Variants in TMOD1 observed in about 807,000 individuals in gnomAD.
The protein encoded by TMOD1 is tropomodulin 1.
Under a neutral mutation model 40.6 loss-of-function variants are expected in TMOD1, and 17 were observed. That is an observed-to-expected ratio of 0.42 (90% confidence interval 0.29 to 0.63). The LOEUF (loss-of-function observed/expected upper bound fraction) is 0.63, where lower values mean the gene tolerates loss of function less well. TMOD1 is among the 20% of genes least tolerant of loss of function. TMOD1 has a pLI of 0.22. For synonymous variants in TMOD1, 181 were observed against 175.0 expected (o/e 1.03, Z -0.27); for missense variants, 391 against 447.6 (o/e 0.87, Z 1.14).
At chr9:97,508,347 C>T (rs1426164965) in intron 1 of TMOD1, among the ~76,000 whole-genome samples, 1 of 152,096 alleles carries the variant, frequency 6.6e-6, no homozygotes, top group East Asian at 1.9e-4. Flanking sequence ...CACCACCACA[C>T]CTGGCAAATT....
chr9:97,578,287 T>C (rs1825657509), intron 8 of TMOD1, among the ~76,000 whole-genome samples: 1 of 152,160 alleles, frequency 6.6e-6, no homozygotes, highest in Non-Finnish European at 1.5e-5. Flanking sequence ...TCTCCTGACC[T>C]CGTGATCCGC....
Position 97,595,860 on chromosome 9 carries a change from G to T in TMOD1, c.1016-3774G>T, listed in dbSNP as rs1000486216. On this transcript the variant is annotated intron_variant, in intron 9 of 9. Coordinates refer to ENST00000259365, the MANE Select transcript of TMOD1 (RefSeq NM_003275.4). The stretch of plus-strand genomic sequence containing the variant: ...GGCCGAGGCAGGCGGATCACCTGAG[G>T]TCAGGAGTTTGAGACCAGCCTGGCC... Among the ~76,000 whole-genome samples, 5 of 152,068 alleles carry T rather than the reference G, an allele frequency of 3.3e-5. No homozygotes were observed. In the East Asian group the frequency reaches 7.7e-4, roughly 24 times the overall value.
At chr9:97,543,916 G>A (rs1437859364) in intron 2 of TMOD1, among the ~76,000 whole-genome samples, 1 of 152,214 alleles carries the variant, frequency 6.6e-6, no homozygotes, top group Non-Finnish European at 1.5e-5. Context: ...TGCTGCTTAA[G>A]GAAAAGTGGG....
At chr9:97,564,214 G>C (rs1417436798) in intron 6 of TMOD1, 46 bp downstream of exon 6, 6 of 1,549,644 alleles carry the variant, frequency 3.9e-6, no homozygotes, top group Non-Finnish European at 5.2e-6. Context: ...CTGGGGGAGG[G>C]GGAACCATGT....
At chr9:97,548,646 A>C (rs1830402487) in intron 3 of TMOD1, among the ~76,000 whole-genome samples, 1 of 151,868 alleles carries the variant, frequency 6.6e-6, no homozygotes, top group Non-Finnish European at 1.5e-5. Context: ...CAGTCCTGCC[A>C]CTCCTCCAGC....
chr9:97,590,938 CGGACAGCAGGG>C, intron 8 of TMOD1, among the ~76,000 whole-genome samples: 1 of 152,216 alleles, frequency 6.6e-6, no homozygotes, highest in East Asian at 1.9e-4. Flanking sequence ...GGGTATAGCC[CGGACAGCAGGG>C]TTTTAAAAGT....
Position 97,559,772 on chromosome 9 carries a change from T to TAAAAAAAA in TMOD1, c.398-2944_398-2937dup, listed in dbSNP as rs58522887. On this transcript the variant is annotated intron_variant, in intron 4 of 9. Coordinates refer to ENST00000259365, the MANE Select transcript of TMOD1 (RefSeq NM_003275.4). ...AGAGCGAGACTCCGCCTCAAAAATT[T>TAAAAAAAA]AAAAAAAAAAAAAAAAAAAAAAATA... 3.0e-4 allele frequency among the ~76,000 whole-genome samples: 11 copies of TAAAAAAAA among 36,842 alleles called. No individual in the cohort carries two copies. In the East Asian group the frequency reaches 9.7e-3, roughly 33 times the overall value. 24.2% of individuals were successfully genotyped at this position (36,842 alleles called of 152,430 possible). A position where few individuals can be genotyped will look rare whatever the true frequency, so the allele number is the denominator to read the frequency against.
chr9:97,575,678 A>G (rs925639163), intron 8 of TMOD1, among the ~76,000 whole-genome samples: 8 of 152,196 alleles, frequency 5.3e-5, no homozygotes, highest in Non-Finnish European at 1.2e-4. Context: ...GGCTCCGTCA[A>G]ATGTCCAAAG....
At position 97,591,516 on chromosome 9, in the gene TMOD1, G is replaced by A. The variant is rs935022170; in HGVS notation, c.1015+81G>A. 48 of 1,502,890 alleles carry A rather than the reference G, an allele frequency of 3.2e-5. No homozygotes were observed. In the Middle Eastern group the frequency reaches 5.3e-4, roughly 17 times the overall value. The allele number at this position is 1,502,890 out of a possible 1,614,324, so 93.1% of individuals were successfully genotyped here. Reference sequence around the variant, plus strand: ...TGCTGGGGATGTCAGGGAAAATTCTGTAGATGCCTCTCCGAGTCTTCTTGA... The same window carrying A: ...TGCTGGGGATGTCAGGGAAAATTCTATAGATGCCTCTCCGAGTCTTCTTGA... On this transcript the variant is annotated intron_variant, in intron 9 of 9. Coordinates refer to ENST00000259365, the MANE Select transcript of TMOD1 (RefSeq NM_003275.4).
intron 5 of TMOD1, 96 bp downstream of exon 5, chr9:97,562,917 T>C (rs754780856): frequency 6.7e-5 from 65 of 963,474 alleles, no homozygotes; most frequent in Non-Finnish European, 9.9e-5. Flanking sequence ...TAACATGTTA[T>C]ATAGCCAAAT....
In TMOD1 at chr9:97,600,756, C is replaced by G. The variant is rs1826239196; in HGVS notation, c.*1058C>G. Reference sequence around the variant, plus strand: ...ATATCAAGGAATTGGGAAATCCTGGCCAAACCACCCCAAGATGATTACACT... The same window carrying G: ...ATATCAAGGAATTGGGAAATCCTGGGCAAACCACCCCAAGATGATTACACT... On this transcript the variant is annotated 3_prime_UTR_variant, in exon 10 of 10. Transcript: ENST00000259365. 2.0e-6 allele frequency: 2 copies of G among 1,005,740 alleles called. No individual in the cohort carries two copies. The allele number at this position is 1,005,740 out of a possible 1,614,324, so 62.3% of individuals were successfully genotyped here. A position where few individuals can be genotyped will look rare whatever the true frequency, so the allele number is the denominator to read the frequency against.
intron 4 of TMOD1, among the ~76,000 whole-genome samples, chr9:97,559,574 G>A (rs1472664144): frequency 2.0e-5 from 3 of 150,818 alleles, no homozygotes; most frequent in Admixed American, 1.3e-4. Flanking sequence ...AGACCAGCCC[G>A]GGCAACATGG....
At chr9:97,598,958 T>G (rs1461264274) in intron 9 of TMOD1, among the ~76,000 whole-genome samples, 5 of 152,110 alleles carry the variant, frequency 3.3e-5, no homozygotes, top group African/African-American at 1.2e-4. Flanking sequence ...TACAATTAAT[T>G]TCAAAACACT....
chr9:97,587,655 T>A (rs1008155954), intron 8 of TMOD1, among the ~76,000 whole-genome samples: 1 of 152,178 alleles, frequency 6.6e-6, no homozygotes, highest in Non-Finnish European at 1.5e-5. Context: ...TGGGTTTTGA[T>A]GTATTCATAA....
At chr9:97,550,947 T>A (rs1830441000) in intron 3 of TMOD1, among the ~76,000 whole-genome samples, 1 of 149,216 alleles carries the variant, frequency 6.7e-6, no homozygotes, top group Non-Finnish European at 1.5e-5. Context: ...CCACTGCCAA[T>A]TCTAAGGTCA....
At chr9:97,523,800 G>A (rs1170618012) in intron 1 of TMOD1, among the ~76,000 whole-genome samples, 1 of 152,036 alleles carries the variant, frequency 6.6e-6, no homozygotes, top group Non-Finnish European at 1.5e-5. Context: ...TGGGGTGTAG[G>A]GTGAAGGGTG....
chr9:97,578,296 G>A (rs1202215788), intron 8 of TMOD1, among the ~76,000 whole-genome samples: 4 of 152,162 alleles, frequency 2.6e-5, no homozygotes, highest in South Asian at 2.1e-4. Context: ...CTCGTGATCC[G>A]CCCGCCTCGG....
intron 9 of TMOD1, among the ~76,000 whole-genome samples, chr9:97,597,775 C>A (rs966025480): frequency 6.6e-6 from 1 of 150,690 alleles, no homozygotes; most frequent in South Asian, 2.1e-4. Flanking sequence ...CCAGTGGACA[C>A]AATGAGGGCA....
At chr9:97,576,840 C>T (rs1354582056) in intron 8 of TMOD1, among the ~76,000 whole-genome samples, 3 of 151,880 alleles carry the variant, frequency 2.0e-5, no homozygotes, top group Non-Finnish European at 4.4e-5. Context: ...CGGGTTTCAC[C>T]ATGTTAGCCA....
Sources: gnomAD v4.1 joint callset for allele counts (sites outside exome capture counted in the v4.1 genomes callset) on GRCh38, gnomAD v4.1.1 for gene constraint, MANE v1.5 for transcripts, NCBI Gene and HGNC (gene_info 2026-07-23, HGNC 2026-07-21) for gene names.